ERC2: variants seen among roughly 807,000 people sequenced by gnomAD.
ERC2 encodes ERC protein 2.
A neutral mutation model predicts 114.8 loss-of-function variants in ERC2; 42 were observed. The observed-to-expected ratio is 0.37, with a 90% CI of 0.29 to 0.47. The LOEUF (loss-of-function observed/expected upper bound fraction) is 0.47. Ranked by LOEUF, ERC2 falls within the 20% of genes least tolerant of loss-of-function variation. The pLI, the probability that ERC2 is intolerant of heterozygous loss-of-function variation, is 0.99. For synonymous variants in ERC2, 454 were observed against 425.5 expected, an observed-to-expected ratio of 1.07 and a Z score of -0.82; for missense variants, 939 against 1,150.7, an observed-to-expected ratio of 0.82 and a Z score of 2.66.
intron 14 of ERC2, among the ~76,000 whole-genome samples, chr3:55,853,986 C>A (rs778646869): frequency 6.6e-6 from 1 of 152,098 alleles, no homozygotes; most frequent in Non-Finnish European, 1.5e-5. Context: ...CCACAAAGCA[C>A]GAAGCAGGCC....
At chr3:56,129,166 T>A (rs2080058856) in intron 6 of ERC2, among the ~76,000 whole-genome samples, 1 of 152,206 alleles carries the variant, frequency 6.6e-6, no homozygotes, top group African/African-American at 2.4e-5. Flanking sequence ...GGAATAAATA[T>A]CTGTATTTAA....
At chr3:56,007,447 T>C (rs2072585007) in intron 9 of ERC2, 126 bp from the exon 10 acceptor site, 1 of 875,086 alleles carries the variant, frequency 1.1e-6, no homozygotes, top group African/African-American at 1.8e-5. Context: ...AAATATAATC[T>C]TACTAAGGTA....
chr3:55,810,462 C>G (rs1480216954), intron 14 of ERC2, among the ~76,000 whole-genome samples: 1 of 139,392 alleles, frequency 7.2e-6, no homozygotes, highest in Non-Finnish European at 1.6e-5. Context: ...TCTCTCTCTC[C>G]CTCTTTTTTT....
intron 6 of ERC2, among the ~76,000 whole-genome samples, chr3:56,087,323 A>C (rs1191935315): frequency 6.6e-6 from 1 of 152,076 alleles, no homozygotes; most frequent in Non-Finnish European, 1.5e-5. Context: ...GAAAAGAACC[A>C]TGGCAATGAA....
intron 2 of ERC2, among the ~76,000 whole-genome samples, chr3:56,382,459 T>TC (rs35948363): frequency 2.6e-5 from 4 of 152,146 alleles, no homozygotes; most frequent in African/African-American, 9.6e-5. Context: ...AATCAAACTT[T>TC]CCCCCCACCA....
At chr3:56,133,871 ATAT>A (rs1341267808) in intron 6 of ERC2, among the ~76,000 whole-genome samples, 2 of 152,238 alleles carry the variant, frequency 1.3e-5, no homozygotes, top group African/African-American at 2.4e-5. Context: ...ATATTATCAA[ATAT>A]TATCAAATGA....
intron 3 of ERC2, among the ~76,000 whole-genome samples, chr3:56,279,092 C>T (rs1402480637): frequency 1.3e-5 from 2 of 152,136 alleles, no homozygotes; most frequent in Admixed American, 1.3e-4. Flanking sequence ...CATACAGAAA[C>T]CCTCTGCCTG....
At chr3:56,254,708 G>A (rs1464835788) in intron 3 of ERC2, among the ~76,000 whole-genome samples, 1 of 152,206 alleles carries the variant, frequency 6.6e-6, no homozygotes, top group Admixed American at 6.5e-5. Context: ...TCTATCAGTT[G>A]TGTCACCTTG....
At chr3:56,426,194 T>C (rs1022854386) in intron 2 of ERC2, among the ~76,000 whole-genome samples, 14 of 152,202 alleles carry the variant, frequency 9.2e-5, no homozygotes, top group Admixed American at 5.2e-4. Context: ...CTCAGACTTA[T>C]ACTAGTGGAA....
intron 14 of ERC2, among the ~76,000 whole-genome samples, chr3:55,817,198 A>G (rs1160982452): frequency 6.6e-6 from 1 of 152,214 alleles, no homozygotes; most frequent in African/African-American, 2.4e-5. Flanking sequence ...TTTGCTCCCA[A>G]GTGAGGCTCT....
At chr3:55,528,458 C>G (rs914959162) in intron 17 of ERC2, among the ~76,000 whole-genome samples, 2 of 152,160 alleles carry the variant, frequency 1.3e-5, no homozygotes, top group Non-Finnish European at 2.9e-5. Context: ...TCGGCATCAT[C>G]ATGAGCTGCC....
At chr3:55,518,897 G>A (rs1187660534) in intron 17 of ERC2, among the ~76,000 whole-genome samples, 1 of 152,164 alleles carries the variant, frequency 6.6e-6, no homozygotes, top group East Asian at 1.9e-4. Flanking sequence ...TTTCTTTTCT[G>A]AACTAGTTAA....
At chr3:56,184,659 G>A (rs115221030) in intron 3 of ERC2, among the ~76,000 whole-genome samples, 1,635 of 152,188 alleles carry the variant, frequency 0.011, 37 homozygotes, top group African/African-American at 0.036. Flanking sequence ...GTCTAAACTC[G>A]CTCTTTTAAT....
chr3:56,050,759 TACTG>T (rs2075725605), intron 7 of ERC2, among the ~76,000 whole-genome samples: 1 of 152,208 alleles, frequency 6.6e-6, no homozygotes, highest in African/African-American at 2.4e-5. Flanking sequence ...GACTTTTGTT[TACTG>T]ACTAATTTTC....
At chr3:56,245,130 C>T (rs1233723400) in intron 3 of ERC2, among the ~76,000 whole-genome samples, 1 of 151,796 alleles carries the variant, frequency 6.6e-6, no homozygotes, top group East Asian at 1.9e-4. Context: ...CCTAATGTCA[C>T]ATTTCTCAGA....
intron 12 of ERC2, among the ~76,000 whole-genome samples, chr3:55,984,765 C>T (rs898536199): frequency 1.3e-5 from 2 of 152,142 alleles, no homozygotes; most frequent in South Asian, 2.1e-4. Flanking sequence ...TTTCCTGCAC[C>T]GCGATGAAGT....
At chr3:55,688,084 T>A (rs1012853606) in intron 16 of ERC2, among the ~76,000 whole-genome samples, 6 of 152,242 alleles carry the variant, frequency 3.9e-5, no homozygotes, top group African/African-American at 1.2e-4. Context: ...AACTCTTACA[T>A]GACTTGTATT....
chr3:55,551,125 G>T (rs62251475), intron 17 of ERC2, among the ~76,000 whole-genome samples: 61,241 of 150,394 alleles, frequency 0.41, 12,518 homozygotes, highest in South Asian at 0.51. Context: ...TATGTGTATA[G>T]ATATACACAC....
intron 2 of ERC2, among the ~76,000 whole-genome samples, chr3:56,409,080 C>A (rs2060838149): frequency 1.3e-5 from 2 of 152,194 alleles, no homozygotes; most frequent in South Asian, 4.1e-4. Context: ...TGGAGGCCTG[C>A]GGCTCCCGTG....
Sources: allele counts gnomAD v4.1 joint callset (sites outside exome capture counted in the v4.1 genomes callset), GRCh38; gene constraint gnomAD v4.1.1; transcripts MANE v1.5; gene names NCBI Gene and HGNC (gene_info 2026-07-23, HGNC 2026-07-21).